Variants in TKTL1 observed in about 807,000 individuals in gnomAD.
The protein encoded by TKTL1 is transketolase-like protein 1.
Under a neutral mutation model 39.3 loss-of-function variants are expected in TKTL1, and 1 was observed. The ratio of observed to expected loss-of-function variants is 0.03; its 90% confidence interval spans 0.01 to 0.12. TKTL1 has a LOEUF of 0.12. Among genes scored for constraint, TKTL1 ranks in the 10% least tolerant of loss-of-function variants. TKTL1 has a pLI of 1.00. For missense variants in TKTL1, 575 were observed against 509.6 expected, an observed-to-expected ratio of 1.13 and a Z score of -1.24; for synonymous variants, 262 against 193.8, an observed-to-expected ratio of 1.35 and a Z score of -2.92.
At chrX:154,310,418 G>A (rs2067347504) in intron 3 of TKTL1, among the ~76,000 whole-genome samples, 1 of 112,338 alleles carries the variant, frequency 8.9e-6, no homozygotes, top group Non-Finnish European at 1.9e-5. Context: ...CTGGGTGATG[G>A]AAACTCTGCC....
chrX:154,327,719 A>G, intron 11 of TKTL1, 32 bp downstream of exon 11: 1 of 1,199,625 alleles, frequency 8.3e-7, no homozygotes, highest in Non-Finnish European at 1.1e-6. Context: ...ATTGAAGTTC[A>G]AGCTGGGAAG....
chrX:154,326,815 G>A (rs1334793374), intron 10 of TKTL1, among the ~76,000 whole-genome samples: 1 of 112,616 alleles, frequency 8.9e-6, no homozygotes, highest in Non-Finnish European at 1.9e-5. Flanking sequence ...GTGATAACAT[G>A]CATGGCATGG....
chrX:154,305,248 G>A (rs147956508), intron 1 of TKTL1, 56 bp from the exon 2 acceptor site: 70 of 1,191,000 alleles, frequency 5.9e-5, no homozygotes, highest in African/African-American at 8.8e-5. Context: ...TGCCGAGGTC[G>A]TGTGCTAGGA....
At position 154,311,234 on chromosome X, in the gene TKTL1, C is replaced by T; in HGVS notation, c.666C>T (p.Thr222=). The T allele has an allele frequency of 8.3e-7, 1 of 1,211,318 alleles. No individual in the cohort carries two copies. Among genetic ancestry groups the T allele is most frequent in the Non-Finnish European group, 1.1e-6 (1 of 895,138 alleles). The change falls in exon 5 of 13, where the codon ACC becomes ACT. Residue 222 remains threonine, a synonymous_variant. Coordinates refer to ENST00000369915, the MANE Select transcript of TKTL1 (RefSeq NM_012253.4). ...CCAAGACCTTCAAGGGCCGGGGCACCCCAAGTAAGCAAGCACTTTCCTCCT... is the reference window on the plus strand; with the variant it reads ...CCAAGACCTTCAAGGGCCGGGGCACTCCAAGTAAGCAAGCACTTTCCTCCT... The part of the protein sequence containing the change: ...VVAKTFKGRG[T]PSIEDAESWH...
At chrX:154,318,481 C>T (rs1382903650) in intron 7 of TKTL1, among the ~76,000 whole-genome samples, 4 of 105,886 alleles carry the variant, frequency 3.8e-5, no homozygotes, top group Middle Eastern at 9.3e-3. Flanking sequence ...GGACGGATCA[C>T]GAGGTCAGGA....
chrX:154,314,932 TAACTA>T (rs1227587410), intron 6 of TKTL1, among the ~76,000 whole-genome samples: 4 of 111,095 alleles, frequency 3.6e-5, no homozygotes, highest in African/African-American at 1.3e-4. Context: ...CGGGGGATGT[TAACTA>T]AAAAGAGCAC....
Position 154,327,864 on chromosome X carries a change from G to C in TKTL1, c.1524G>C (p.Leu508=). 2 of 1,211,832 alleles carry C rather than the reference G, an allele frequency of 1.7e-6. No homozygotes were observed. Among genetic ancestry groups the C allele is most frequent in the Non-Finnish European group, 2.2e-6 (2 of 895,504 alleles). ...ATATTTTTATCCGTGTCATCGACCTGTTTACCATTAAACCTCTGGATGTCG... is the reference window on the plus strand; with the variant it reads ...ATATTTTTATCCGTGTCATCGACCTCTTTACCATTAAACCTCTGGATGTCG... ...KQDIFIRVID[L]FTIKPLDVAT... Residue 508 remains leucine (L), a synonymous_variant, in exon 12 of 13, where the codon CTG becomes CTC. Coordinates refer to ENST00000369915, the MANE Select transcript of TKTL1 (RefSeq NM_012253.4).
chrX:154,316,893 G>T (rs1195051554), intron 7 of TKTL1, among the ~76,000 whole-genome samples: 1 of 108,234 alleles, frequency 9.2e-6, no homozygotes, highest in African/African-American at 3.4e-5. Context: ...CCTCAGCCTC[G>T]CAGGTAGCTG....
intron 7 of TKTL1, 94 bp from the exon 8 acceptor site, chrX:154,320,663 A>G (rs782792976): frequency 2.2e-6 from 2 of 895,085 alleles, no homozygotes; most frequent in South Asian, 2.1e-5. Context: ...GCAGTTCAGC[A>G]GGTGCAGAAT....
At chrX:154,299,601 C>A (rs999287889) in intron 1 of TKTL1, among the ~76,000 whole-genome samples, 4 of 110,848 alleles carry the variant, frequency 3.6e-5, no homozygotes, top group Non-Finnish European at 7.6e-5. Flanking sequence ...AGTCTTTTAT[C>A]CCTCACCTCC....
rs1411545863 is a variant in TKTL1 at position 154,315,161 on chromosome X, T to C, written c.865-12T>C. 2 of 1,203,725 alleles carry C rather than the reference T, an allele frequency of 1.7e-6. No individual in the cohort carries two copies. The highest frequency in any genetic ancestry group is 2.2e-6 in the Non-Finnish European group (2 of 891,397). On this transcript the variant is annotated splice_polypyrimidine_tract_variant and intron_variant, in intron 6 of 12. Coordinates refer to ENST00000369915, the MANE Select transcript of TKTL1 (RefSeq NM_012253.4). ...GAAGAAACTCTACCACCTGATTGTC[T>C]CTGTCTTCTAGATAGCTACTCGGAA...
At chrX:154,306,669 C>T (rs1405749365) in intron 2 of TKTL1, among the ~76,000 whole-genome samples, 2 of 110,280 alleles carry the variant, frequency 1.8e-5, no homozygotes, top group South Asian at 3.8e-4. Context: ...GGTAGAGTCT[C>T]GCTCTTGCCC....
intron 12 of TKTL1, 78 bp downstream of exon 12, chrX:154,328,036 G>C: frequency 8.8e-7 from 1 of 1,130,772 alleles, no homozygotes; most frequent in South Asian, 1.9e-5. Flanking sequence ...CATGCTCTCA[G>C]GCATCACCTA....
rs2067223972 is a variant in TKTL1 at position 154,296,007 on chromosome X, A to G, written c.134+14A>G. 1 of 1,209,360 alleles carries G rather than the reference A, an allele frequency of 8.3e-7. No individual in the cohort carries two copies. The highest frequency in any genetic ancestry group is 1.1e-6 in the Non-Finnish European group (1 of 894,066). On this transcript the variant is annotated intron_variant, in intron 1 of 12. Transcript: ENST00000369915. ...CACGAGCTCCGGGTAAGTTCTCCTC[A>G]TTGAAGTCTGGGTCATGCAGGGCCA...
intron 12 of TKTL1, among the ~76,000 whole-genome samples, chrX:154,328,653 A>T (rs2067513289): frequency 1.9e-5 from 2 of 103,781 alleles, no homozygotes; most frequent in African/African-American, 6.9e-5. Context: ...ACAGTGTGTC[A>T]GGGAGAATGG....
rs1231076655 is a variant in TKTL1 at position 154,330,011 on chromosome X, A to AGT, written c.*326_*327dup. On this transcript the variant is annotated 3_prime_UTR_variant, in exon 13 of 13. Coordinates refer to ENST00000369915, the MANE Select transcript of TKTL1 (RefSeq NM_012253.4). Reference sequence around the variant, plus strand: ...TGGTAGAGGTAATCAATTCTTCCGAAGTGTTTCCTTCGTGAATAACTGGTA... The same window carrying AGT: ...TGGTAGAGGTAATCAATTCTTCCGAAGTGTGTTTCCTTCGTGAATAACTGGTA... The AGT allele has an allele frequency of 1.0e-5, 2 of 192,560 alleles. No homozygotes were observed. Among genetic ancestry groups the AGT allele is most frequent in the Non-Finnish European group, 1.9e-5 (2 of 105,019 alleles). The allele number at this position is 192,560 out of a possible 1,213,427, so 15.9% of individuals were successfully genotyped here.
intron 7 of TKTL1, among the ~76,000 whole-genome samples, chrX:154,318,911 C>T (rs957346377): frequency 7.2e-5 from 8 of 111,129 alleles, no homozygotes; most frequent in Non-Finnish European, 1.3e-4. Flanking sequence ...ATTGTCCTAT[C>T]ATTTTTCTCT....
At chrX:154,309,017 C>T (rs782145257) in intron 2 of TKTL1, among the ~76,000 whole-genome samples, 9 of 111,048 alleles carry the variant, frequency 8.1e-5, no homozygotes, top group Non-Finnish European at 1.7e-4. Context: ...CGTCTCTATT[C>T]CCAAAGCTCC....
At chrX:154,309,732 C>G (rs1359893879) in intron 3 of TKTL1, among the ~76,000 whole-genome samples, 1 of 111,159 alleles carries the variant, frequency 9.0e-6, no homozygotes, top group Non-Finnish European at 1.9e-5. Flanking sequence ...TTAGTGGGGT[C>G]TGGGATGTGT....
Sources: allele counts gnomAD v4.1 joint callset (sites outside exome capture counted in the v4.1 genomes callset), GRCh38; gene constraint gnomAD v4.1.1; transcripts MANE v1.5; gene names NCBI Gene and HGNC (gene_info 2026-07-23, HGNC 2026-07-21).